RBFOX3: variants seen among roughly 807,000 people sequenced by gnomAD.
RBFOX3 encodes the protein RNA binding protein fox-1 homolog 3.
A neutral mutation model predicts 48.7 loss-of-function variants in RBFOX3; 17 were observed. The ratio of observed to expected loss-of-function variants is 0.35; its 90% CI spans 0.24 to 0.52. The LOEUF (loss-of-function observed/expected upper bound fraction) is 0.52. RBFOX3 is among the 20% of genes least tolerant of loss of function. The pLI is 0.94. For synonymous variants in RBFOX3, 212 were observed against 209.5 expected, an observed-to-expected ratio of 1.01 and a Z score of -0.10; for missense variants, 382 against 497.5, an observed-to-expected ratio of 0.77 and a Z score of 2.21.
intron 1 of RBFOX3, among the ~76,000 whole-genome samples, chr17:79,568,813 C>T (rs1213108307): frequency 6.6e-6 from 1 of 152,174 alleles, no homozygotes; most frequent in Admixed American, 6.5e-5. Context: ...GTGTCCCACT[C>T]ACCACCACCA....
intron 2 of RBFOX3, among the ~76,000 whole-genome samples, chr17:79,371,958 G>A (rs570026451): frequency 1.2e-4 from 19 of 152,252 alleles, no homozygotes; most frequent in Non-Finnish European, 1.5e-5. Flanking sequence ...AAGGAGAGGT[G>A]CAGAGCAACC....
chr17:79,118,086 C>A (rs1350056152), intron 4 of RBFOX3, among the ~76,000 whole-genome samples: 2 of 152,204 alleles, frequency 1.3e-5, no homozygotes, highest in Non-Finnish European at 2.9e-5. Context: ...CCGTGCCCTG[C>A]TCCCTGAAGC....
chr17:79,416,949 C>T (rs1048843447), intron 2 of RBFOX3, among the ~76,000 whole-genome samples: 2 of 152,224 alleles, frequency 1.3e-5, no homozygotes, highest in South Asian at 2.1e-4. Context: ...TACCCGCATC[C>T]GAGGAATACC....
At chr17:79,439,707 C>T (rs1199667840) in intron 2 of RBFOX3, among the ~76,000 whole-genome samples, 2 of 150,404 alleles carry the variant, frequency 1.3e-5, no homozygotes, top group Non-Finnish European at 3.0e-5. Flanking sequence ...CACATGCACA[C>T]ACACTCAGTG....
At chr17:79,432,913 G>A (rs529696889) in intron 2 of RBFOX3, among the ~76,000 whole-genome samples, 83 of 152,214 alleles carry the variant, frequency 5.5e-4, no homozygotes, top group Non-Finnish European at 1.0e-3. Context: ...TGGTGACAGC[G>A]TGAAAGACGT....
At position 79,131,616 on chromosome 17, in the gene RBFOX3, G is replaced by A. The variant is rs149576783; in HGVS notation, c.-33-15868C>T. 1.4e-4 allele frequency among the ~76,000 whole-genome samples: 22 copies of A among 152,322 alleles called. No homozygotes were observed. The East Asian group carries it at 3.9e-3, about 27-fold the overall frequency. On this transcript the variant is annotated intron_variant, in intron 4 of 14. Coordinates refer to ENST00000693108, the MANE Select transcript of RBFOX3 (RefSeq NM_001350451.2). The stretch of plus-strand genomic sequence containing the variant: ...CCACGGATCATGTTTTCATGCACGG[G>A]TATTTTCTTTTGGTAACTGTATCTC...
intron 2 of RBFOX3, among the ~76,000 whole-genome samples, chr17:79,446,604 C>T (rs907181928): frequency 3.3e-5 from 5 of 152,238 alleles, no homozygotes; most frequent in African/African-American, 1.2e-4. Context: ...GGAGTGACTG[C>T]CCATTTCCAC....
chr17:79,294,691 C>T (rs1434333367), intron 3 of RBFOX3, among the ~76,000 whole-genome samples: 1 of 152,140 alleles, frequency 6.6e-6, no homozygotes, highest in Non-Finnish European at 1.5e-5. Context: ...GGGTGGGAGA[C>T]GCTGCCAGCC....
At chr17:79,161,028 T>G (rs1162478891) in intron 4 of RBFOX3, among the ~76,000 whole-genome samples, 1 of 150,960 alleles carries the variant, frequency 6.6e-6, no homozygotes, top group Non-Finnish European at 1.5e-5. Flanking sequence ...GGCACAGTGC[T>G]AACTGCTAGC....
At chr17:79,497,293 A>T (rs2081677276) in intron 1 of RBFOX3, among the ~76,000 whole-genome samples, 1 of 152,162 alleles carries the variant, frequency 6.6e-6, no homozygotes, top group African/African-American at 2.4e-5. Context: ...ATAGTATGTA[A>T]ATTACCCTCA....
chr17:79,355,367 CTT>C (rs972432530), intron 2 of RBFOX3, among the ~76,000 whole-genome samples: 51 of 152,310 alleles, frequency 3.3e-4, no homozygotes, highest in African/African-American at 1.2e-3. Context: ...ACTCCATTGA[CTT>C]TGCCAGGCAA....
intron 3 of RBFOX3, among the ~76,000 whole-genome samples, chr17:79,250,663 G>C (rs1336596035): frequency 6.6e-6 from 1 of 152,104 alleles, no homozygotes; most frequent in Non-Finnish European, 1.5e-5. Context: ...TAAAAATAAA[G>C]CAGCGTTGAG....
chr17:79,103,973 C>T lies in RBFOX3; in HGVS notation c.414+100G>A, dbSNP rs1230741205. The T allele has an allele frequency of 1.3e-5, 14 of 1,037,812 alleles. No homozygotes were observed. The highest frequency in any genetic ancestry group is 1.6e-5 in the Non-Finnish European group (11 of 684,760). The allele number at this position is 1,037,812 out of a possible 1,614,324, so 64.3% of individuals were successfully genotyped here. Reference sequence around the variant, plus strand: ...AGCACCCGTGTCGCTCAGGGGTCCTCGGGCGCGAAGCTCTCCAGGAAGGAA... The same window carrying T: ...AGCACCCGTGTCGCTCAGGGGTCCTTGGGCGCGAAGCTCTCCAGGAAGGAA... On this transcript the variant is annotated intron_variant, in intron 7 of 14. Coordinates refer to ENST00000693108, the MANE Select transcript of RBFOX3 (RefSeq NM_001350451.2). This position sits in a 1 kb window ranked among gnomAD's most constrained non-coding sequence, Gnocchi z 6.1.
At chr17:79,303,277 A>G (rs1338691125) in intron 3 of RBFOX3, among the ~76,000 whole-genome samples, 3 of 152,352 alleles carry the variant, frequency 2.0e-5, no homozygotes, top group East Asian at 3.9e-4. Flanking sequence ...CTGAAATTGA[A>G]TATAAATATA....
At chr17:79,655,394 A>G in the RBFOX3 span, among the ~76,000 whole-genome samples, 2 of 152,204 alleles carry the variant, frequency 1.3e-5, no homozygotes, top group African/African-American at 4.8e-5. Context: ...GACTCAATGA[A>G]GTAATGCATA....
At chr17:79,520,181 T>C (rs2085857785) in intron 1 of RBFOX3, among the ~76,000 whole-genome samples, 2 of 152,178 alleles carry the variant, frequency 1.3e-5, no homozygotes, top group Non-Finnish European at 2.9e-5. Flanking sequence ...TCCTCCCCTG[T>C]GGAGTGGGGC....
chr17:79,382,413 G>C (rs577613022), intron 2 of RBFOX3, among the ~76,000 whole-genome samples: 1 of 152,352 alleles, frequency 6.6e-6, no homozygotes, highest in South Asian at 2.1e-4. Context: ...TGTCATGACA[G>C]TGGCAAAAAG....
At chr17:79,407,607 T>A (rs1274087951) in intron 2 of RBFOX3, among the ~76,000 whole-genome samples, 1 of 152,214 alleles carries the variant, frequency 6.6e-6, no homozygotes, top group Non-Finnish European at 1.5e-5. Context: ...CGCATTTGGC[T>A]TCCATTCAAA....
At chr17:79,277,303 AGGG>A (rs372298818) in intron 3 of RBFOX3, among the ~76,000 whole-genome samples, 2 of 76,696 alleles carry the variant, frequency 2.6e-5, no homozygotes, top group African/African-American at 1.1e-4. Context: ...AATGGTGGGG[AGGG>A]GGGGGGTAGT....
Sources: gnomAD v4.1 joint callset for allele counts (sites outside exome capture counted in the v4.1 genomes callset) on GRCh38, gnomAD v4.1.1 for gene constraint, Gnocchi (gnomAD v3.1) non-coding constraint, MANE v1.5 for transcripts, NCBI Gene and HGNC (gene_info 2026-07-23, HGNC 2026-07-21) for gene names.